PCDH17: variants seen among roughly 807,000 people sequenced by gnomAD.
PCDH17 encodes protocadherin-17.
PCDH17 carries 21 observed loss-of-function variants against 67.7 expected under a neutral mutation model. The ratio of observed to expected loss-of-function variants is 0.31; its 90% confidence interval spans 0.22 to 0.45. The LOEUF is 0.45. Among genes scored for constraint, PCDH17 ranks in the 20% least tolerant of loss-of-function variants. PCDH17 has a pLI of 1.00. For synonymous variants in PCDH17, 701 were observed against 656.7 expected, an observed-to-expected ratio of 1.07 and a Z score of -1.03; for missense variants, 1,471 against 1,564.8, an observed-to-expected ratio of 0.94 and a Z score of 1.01.
At position 57,666,497 on chromosome 13, in the gene PCDH17, C is replaced by T. The variant is rs1341467399; in HGVS notation, c.2595C>T (p.Tyr865=). The T allele has an allele frequency of 1.9e-6, 3 of 1,613,844 alleles. No individual in the cohort carries two copies. The South Asian group carries it at 3.3e-5, about 18-fold the overall frequency. The change falls in exon 2 of 4, where the codon TAC becomes TAT. Residue 865 remains tyrosine, a synonymous_variant. Transcript: ENST00000377918. ...QTDNFPAEPN[Y]MGSRQQFVQS... ...ACAATTTTCCCGCAGAGCCCAATTA[C>T]ATGGGCAGCAGGCAGCAGTTTGTTC...
Position 57,632,349 on chromosome 13 carries a change from G to A in PCDH17, c.-198G>A, listed in dbSNP as rs1227385651. On this transcript the variant is annotated 5_prime_UTR_variant, in exon 1 of 4. It removes the in-frame stop codon of an upstream open reading frame in the 5' UTR. Coordinates refer to ENST00000377918, the MANE Select transcript of PCDH17 (RefSeq NM_001040429.3). ...CTTCTCACCCAGTGCGGATGCTGTA[G>A]ATCAACAGGTTCAGGGAACTTGAGC... The A allele has an allele frequency of 2.1e-5, 13 of 606,744 alleles. No individual in the cohort carries two copies. The East Asian group carries it at 3.3e-4, about 15-fold the overall frequency. 37.6% of individuals were successfully genotyped at this position (606,744 alleles called of 1,614,324 possible).
At position 57,633,381 on chromosome 13, in the gene PCDH17, C is replaced by T; in HGVS notation, c.835C>T (p.Leu279Phe). Reference sequence around the variant, plus strand: ...CGATGAAGGTCCCAATGGTGAAGTGCTCTACTCTTTCAGCAGCTACGTGCC... The same window carrying T: ...CGATGAAGGTCCCAATGGTGAAGTGTTCTACTCTTTCAGCAGCTACGTGCC... ...DADEGPNGEV[L>F]YSFSSYVPDR... The change falls in exon 1 of 4, where the codon CTC (leucine) becomes TTC (phenylalanine). Residue 279 changes from leucine (L) to phenylalanine (F), a missense_variant. Leu to Phe is a conservative substitution (Grantham distance 22). Transcript: ENST00000377918. This position sits in a 1 kb window ranked among gnomAD's most constrained non-coding sequence, Gnocchi z 6.2. The T allele has an allele frequency of 1.9e-6, 3 of 1,613,314 alleles. No homozygotes were observed. The highest frequency in any genetic ancestry group is 2.5e-6 in the Non-Finnish European group (3 of 1,180,030).
At chr13:57,652,533 A>C (rs936342356) in intron 1 of PCDH17, among the ~76,000 whole-genome samples, 1 of 152,180 alleles carries the variant, frequency 6.6e-6, no homozygotes, top group Non-Finnish European at 1.5e-5. Context: ...TAAGTCTTCT[A>C]TATAAATTGT....
intron 3 of PCDH17, among the ~76,000 whole-genome samples, chr13:57,683,345 A>G (rs1256943809): frequency 6.6e-6 from 1 of 151,892 alleles, no homozygotes; most frequent in Non-Finnish European, 1.5e-5. Context: ...GCTGGCAAAA[A>G]CAATATGCAG....
Position 57,633,995 on chromosome 13 carries a change from G to A in PCDH17, c.1449G>A (p.Glu483=), listed in dbSNP as rs1348916863. The A allele has an allele frequency of 6.2e-7, 1 of 1,613,578 alleles. No individual in the cohort carries two copies. Among genetic ancestry groups the A allele is most frequent in the Non-Finnish European group, 8.5e-7 (1 of 1,180,026 alleles). The change falls in exon 1 of 4, where the codon GAG becomes GAA. Residue 483 remains glutamate (E), a synonymous_variant. Transcript: ENST00000377918. The surrounding 1 kb of genome is among the most constrained non-coding windows in gnomAD (Gnocchi z 6.2). ...GGCTCTACGTGCTTCAGGTGCACGA[G>A]AACAACATCCCGGGAGAGTACCTGG... is the stretch of plus-strand genomic sequence containing the variant. ...TKGLYVLQVH[E]NNIPGEYLGS...
chr13:57,718,486 AAAT>A (rs1325293548), intron 3 of PCDH17, among the ~76,000 whole-genome samples: 1 of 152,074 alleles, frequency 6.6e-6, no homozygotes, highest in African/African-American at 2.4e-5. Flanking sequence ...TCATAAGTGG[AAAT>A]AATAATGTTT....
In PCDH17 at chr13:57,725,031, C is replaced by T. The variant is rs748068707; in HGVS notation, c.3217C>T (p.Pro1073Ser). The T allele has an allele frequency of 4.7e-5, 76 of 1,614,004 alleles. No homozygotes were observed. Among genetic ancestry groups the T allele is most frequent in the Non-Finnish European group, 6.1e-5 (72 of 1,179,998 alleles). Residue 1073 changes from proline to serine, a missense_variant, in exon 4 of 4, where the codon CCC (proline) becomes TCC (serine). Physicochemically the swap from Pro to Ser is moderately conservative, Grantham distance 74. Around this residue, in one of 3 missense-constraint regions of PCDH17, gnomAD observed 297 missense variants for 298.6 expected, o/e 0.99. Transcript: ENST00000377918. ...ALAEASSQYL[P>S]TDSQYLSPSK... is the part of the protein sequence containing the mutation. ...GGCTGAAGCAAGCAGTCAGTACTTGCCCACTGACAGTCAATATCTGTCACC... is the reference window on the plus strand; with the variant it reads ...GGCTGAAGCAAGCAGTCAGTACTTGTCCACTGACAGTCAATATCTGTCACC...
At chr13:57,667,731 T>G (rs1420595120) in intron 3 of PCDH17, among the ~76,000 whole-genome samples, 1 of 149,336 alleles carries the variant, frequency 6.7e-6, no homozygotes, top group Non-Finnish European at 1.5e-5. Flanking sequence ...TAATGATTTA[T>G]AGAAAGTTAA....
chr13:57,683,139 T>C (rs775660239), intron 3 of PCDH17, among the ~76,000 whole-genome samples: 10 of 151,890 alleles, frequency 6.6e-5, no homozygotes, highest in Non-Finnish European at 1.3e-4. Flanking sequence ...CCATAGCCCA[T>C]GTGAGAAATA....
At chr13:57,686,816 G>A (rs985574817) in intron 3 of PCDH17, among the ~76,000 whole-genome samples, 1 of 151,900 alleles carries the variant, frequency 6.6e-6, no homozygotes, top group African/African-American at 2.4e-5. Flanking sequence ...TTATTTCCTC[G>A]AAATATGGCC....
chr13:57,649,935 A>G (rs1593900291), intron 1 of PCDH17, among the ~76,000 whole-genome samples: 2 of 152,194 alleles, frequency 1.3e-5, no homozygotes, highest in South Asian at 2.1e-4. Context: ...GGAATACCCT[A>G]TTTTCCAAGC....
chr13:57,659,061 G>A (rs1010844119), intron 1 of PCDH17, among the ~76,000 whole-genome samples: 1 of 151,648 alleles, frequency 6.6e-6, no homozygotes, highest in Non-Finnish European at 1.5e-5. Flanking sequence ...TATCTATAAT[G>A]GGTAGCATAA....
chr13:57,655,287 A>T (rs1358921426), intron 1 of PCDH17, among the ~76,000 whole-genome samples: 1 of 152,034 alleles, frequency 6.6e-6, no homozygotes, highest in African/African-American at 2.4e-5. Flanking sequence ...ATGTAACATT[A>T]TCTAAATAAT....
At chr13:57,692,362 T>TTTAAAGTTTTA in intron 3 of PCDH17, among the ~76,000 whole-genome samples, 1 of 151,442 alleles carries the variant, frequency 6.6e-6, no homozygotes, top group Non-Finnish European at 1.5e-5. Context: ...ATTAATTTAC[T>TTTAAAGTTTTA]TTAAAGTTTT....
intron 1 of PCDH17, among the ~76,000 whole-genome samples, chr13:57,660,280 T>C (rs554084198): frequency 1.2e-4 from 19 of 152,114 alleles, no homozygotes; most frequent in Non-Finnish European, 2.5e-4. Flanking sequence ...GCTATGGATC[T>C]GTTGCTTGGA....
intron 1 of PCDH17, among the ~76,000 whole-genome samples, chr13:57,641,252 A>G (rs1354039108): frequency 6.6e-6 from 1 of 151,642 alleles, no homozygotes; most frequent in Non-Finnish European, 1.5e-5. Flanking sequence ...TTTCACCACT[A>G]GCTTTGACAA....
chr13:57,644,801 T>A (rs1304392469), intron 1 of PCDH17, among the ~76,000 whole-genome samples: 1 of 151,690 alleles, frequency 6.6e-6, no homozygotes, highest in Non-Finnish European at 1.5e-5. Flanking sequence ...AAAGTTGACA[T>A]GTAATGTCTC....
chr13:57,692,393 TG>T (rs1388283616), intron 3 of PCDH17, among the ~76,000 whole-genome samples: 1 of 151,304 alleles, frequency 6.6e-6, no homozygotes, highest in Non-Finnish European at 1.5e-5. Flanking sequence ...TATTGTAATT[TG>T]TTTGAAGTTA....
chr13:57,653,319 G>T (rs998918847), intron 1 of PCDH17, among the ~76,000 whole-genome samples: 1 of 151,790 alleles, frequency 6.6e-6, no homozygotes, highest in Non-Finnish European at 1.5e-5. Context: ...CATTCCAGGG[G>T]GTATGACCTC....
Sources: gnomAD v4.1 joint callset for allele counts (sites outside exome capture counted in the v4.1 genomes callset) on GRCh38, gnomAD v4.1.1 for gene constraint, gnomAD v4.1.1 regional missense constraint, Gnocchi (gnomAD v3.1) non-coding constraint, MANE v1.5 for transcripts, NCBI Gene and HGNC (gene_info 2026-07-23, HGNC 2026-07-21) for gene names.